LBP: variants seen among roughly 807,000 people sequenced by gnomAD.
The protein encoded by LBP is lipopolysaccharide-binding protein.
A neutral mutation model predicts 56.6 loss-of-function variants in LBP; 53 were observed. The ratio of observed to expected loss-of-function variants is 0.94; its 90% CI spans 0.75 to 1.18. The LOEUF (loss-of-function observed/expected upper bound fraction) is 1.18, where lower values mean the gene tolerates loss of function less well. LBP is among the 50% of genes most tolerant of loss of function. The pLI, the probability that LBP is intolerant of heterozygous loss-of-function variation, is 0.00. For synonymous variants in LBP, 227 were observed against 247.5 expected (o/e 0.92, Z 0.78); for missense variants, 601 against 598.3 (o/e 1.00, Z -0.05).
intron 6 of LBP, among the ~76,000 whole-genome samples, chr20:38,363,229 C>T (rs1325252799): frequency 6.6e-6 from 1 of 152,140 alleles, no homozygotes; most frequent in East Asian, 1.9e-4. Flanking sequence ...TGCCCAGATT[C>T]AGCATTATAA....
In LBP at chr20:38,373,085, A is replaced by G. The variant is rs892740310; in HGVS notation, c.1274A>G (p.Glu425Gly). The G allele has an allele frequency of 6.2e-7, 1 of 1,613,784 alleles. No individual in the cohort carries two copies. Among genetic ancestry groups the G allele is most frequent in the African/African-American group, 1.3e-5 (1 of 74,910 alleles). Reference sequence around the variant, plus strand: ...GTTCTCTTCCAGGCAGAGCTGTTGGAAGCGCTCCTCAACTATTACATCCTT... The same window carrying G: ...GTTCTCTTCCAGGCAGAGCTGTTGGGAGCGCTCCTCAACTATTACATCCTT... ...KVGLFNAELL[E>G]ALLNYYILNT... Residue 425 changes from glutamate (E) to glycine (G), a missense_variant, in exon 13 of 15, where the codon GAA becomes GGA. By Grantham distance (98) the Glu-to-Gly change is moderately conservative. Coordinates refer to ENST00000217407, the MANE Select transcript of LBP (RefSeq NM_004139.5).
chr20:38,350,985 T>G, intron 3 of LBP, 46 bp downstream of exon 3: 1 of 1,598,342 alleles, frequency 6.3e-7, no homozygotes, highest in East Asian at 2.2e-5. Flanking sequence ...GGCCTTGGCC[T>G]TCGCCCCATC....
At position 38,346,634 on chromosome 20, in the gene LBP, C is replaced by T. The variant is rs1240815529; in HGVS notation, c.118C>T (p.Gln40Ter). 1 of 1,613,314 alleles carries T rather than the reference C, an allele frequency of 6.2e-7. No individual in the cohort carries two copies. Among genetic ancestry groups the T allele is most frequent in the African/African-American group, 1.3e-5 (1 of 74,928 alleles). ...LVARITDKGL[Q>*]YAAQEGLLAL... The stretch of plus-strand genomic sequence containing the variant: ...CGCCAGGATCACCGACAAGGGACTG[C>T]AGTATGGTAAGAAGCCACATCTGCT... The change falls in exon 1 of 15, where the codon CAG (glutamine) becomes TAG (stop). Residue 40 changes from glutamine (Q) to a stop codon, truncating the protein, a stop_gained. Transcript: ENST00000217407. LOFTEE classifies it high-confidence loss of function.
intron 1 of LBP, 104 bp downstream of exon 1, chr20:38,346,744 G>A: frequency 6.7e-7 from 1 of 1,488,272 alleles, no homozygotes; most frequent in Non-Finnish European, 9.1e-7. Flanking sequence ...CCCTCTCCCT[G>A]GGGCAGTGCC....
intron 3 of LBP, among the ~76,000 whole-genome samples, chr20:38,352,600 C>T (rs934107366): frequency 2.0e-5 from 3 of 152,032 alleles, no homozygotes; most frequent in South Asian, 2.1e-4. Context: ...ACTAAAAATA[C>T]AAAAATTAGC....
At chr20:38,366,692 CCT>C (rs1245055226) in intron 8 of LBP, 75 bp from the exon 9 acceptor site, 8 of 1,344,476 alleles carry the variant, frequency 6.0e-6, no homozygotes, top group South Asian at 5.8e-5. Context: ...TGCACATCCC[CCT>C]GTCTCCCCAA....
intron 10 of LBP, among the ~76,000 whole-genome samples, chr20:38,370,250 C>A (rs1252281945): frequency 1.3e-5 from 2 of 151,968 alleles, no homozygotes; most frequent in African/African-American, 4.8e-5. Context: ...GTGGCATGCA[C>A]CTGTAGTCCT....
At chr20:38,359,424 T>A (rs11536956) in intron 5 of LBP, among the ~76,000 whole-genome samples, 2,739 of 151,914 alleles carry the variant, frequency 0.018, 95 homozygotes, top group African/African-American at 0.061. Context: ...TCTACTAAAA[T>A]TACAAAAATT....
intron 6 of LBP, among the ~76,000 whole-genome samples, chr20:38,361,283 A>G (rs1159727341): frequency 2.0e-5 from 3 of 152,216 alleles, no homozygotes; most frequent in Non-Finnish European, 4.4e-5. Flanking sequence ...TTGTATGTAC[A>G]AATATAAATA....
chr20:38,366,365 C>G lies in LBP; in HGVS notation c.922-404C>G, dbSNP rs11536979. Among the ~76,000 whole-genome samples, 767 of 152,238 alleles carry G rather than the reference C, an allele frequency of 5.0e-3. 9 individuals carry two copies. Among genetic ancestry groups the G allele is most frequent in the African/African-American group, 0.018 (746 of 41,536 alleles). ...TATGGAGCACTCACCATGTGCTGGG[C>G]CTTGTGCTAGGATGTTCGTTTAGGC... On this transcript the variant is annotated intron_variant, in intron 8 of 14. Transcript: ENST00000217407.
At chr20:38,367,351 G>GGCT (rs2076885867) in intron 9 of LBP, among the ~76,000 whole-genome samples, 1 of 152,162 alleles carries the variant, frequency 6.6e-6, no homozygotes, top group Non-Finnish European at 1.5e-5. Context: ...CCACTGGGGA[G>GGCT]GCTGAGGTGG....
chr20:38,356,126 C>CA, intron 5 of LBP, among the ~76,000 whole-genome samples: 1 of 120,844 alleles, frequency 8.3e-6, no homozygotes. Context: ...ACACCACACA[C>CA]ACATCCTACA....
intron 2 of LBP, 82 bp downstream of exon 2, chr20:38,349,744 C>T (rs2076814088): frequency 9.6e-7 from 1 of 1,037,312 alleles, no homozygotes; most frequent in East Asian, 2.6e-5. Context: ...AAGAGAGAGC[C>T]TCAGGATTGG....
At chr20:38,350,961 G>A (rs1267138896) in intron 3 of LBP, 22 bp downstream of exon 3, 3 of 1,609,790 alleles carry the variant, frequency 1.9e-6, no homozygotes, top group Non-Finnish European at 2.5e-6. Flanking sequence ...CTGCTCCCAG[G>A]CCCTGGAGCT....
At chr20:38,365,893 G>A (rs1009310962) in intron 8 of LBP, among the ~76,000 whole-genome samples, 4 of 151,858 alleles carry the variant, frequency 2.6e-5, no homozygotes, top group Non-Finnish European at 5.9e-5. Flanking sequence ...AACCTGTCGG[G>A]GAGCTTCCTT....
chr20:38,366,269 C>G (rs1040418469), intron 8 of LBP, among the ~76,000 whole-genome samples: 3 of 152,186 alleles, frequency 2.0e-5, no homozygotes, highest in Admixed American at 2.0e-4. Context: ...TCGCTTCTGG[C>G]ATCGTGTTTG....
intron 8 of LBP, among the ~76,000 whole-genome samples, chr20:38,365,585 T>C (rs2076877652): frequency 6.6e-6 from 1 of 151,292 alleles, no homozygotes; most frequent in Non-Finnish European, 1.5e-5. Flanking sequence ...TAGTTCCAGC[T>C]ACATGGGAGG....
At chr20:38,373,860 G>A in intron 13 of LBP, 77 bp from the exon 14 acceptor site, 1 of 1,277,830 alleles carries the variant, frequency 7.8e-7, no homozygotes, top group South Asian at 1.2e-5. Flanking sequence ...AGTTTGCAGA[G>A]AACATTTTCG....
At chr20:38,366,298 G>A (rs768017660) in intron 8 of LBP, among the ~76,000 whole-genome samples, 4 of 152,138 alleles carry the variant, frequency 2.6e-5, no homozygotes, top group Non-Finnish European at 2.9e-5. Context: ...ATCCTACTGC[G>A]GCACGGGCCT....
Sources: gnomAD v4.1 joint callset for allele counts (sites outside exome capture counted in the v4.1 genomes callset) on GRCh38, gnomAD v4.1.1 for gene constraint, MANE v1.5 for transcripts, NCBI Gene and HGNC (gene_info 2026-07-23, HGNC 2026-07-21) for gene names.